Variants in CNN1 observed in about 807,000 individuals in gnomAD.
CNN1 encodes calponin 1.
In CNN1, 21 loss-of-function variants were observed where a neutral mutation model predicts 35.3. That is an observed-to-expected ratio of 0.60 (90% CI 0.42 to 0.86). The LOEUF is 0.86. CNN1 is among the 40% of genes least tolerant of loss of function. CNN1 has a pLI of 0.00. For synonymous variants in CNN1, 164 were observed against 161.8 expected (o/e 1.01, Z -0.10); for missense variants, 314 against 400.8 (o/e 0.78, Z 1.85).
chr19:11,546,656 C>A lies in CNN1; in HGVS notation c.186-19C>A, dbSNP rs762248348. 1.2e-6 allele frequency: 2 copies of A among 1,613,900 alleles called. No individual in the cohort carries two copies. Among genetic ancestry groups the A allele is most frequent in the East Asian group, 2.2e-5 (1 of 44,874 alleles). ...ACCCTGGGGGGACACCTTTCTTACC[C>A]CTTCCCCACTCTTCTCAGATTCATC... is the stretch of plus-strand genomic sequence containing the variant. On this transcript the variant is annotated intron_variant, in intron 2 of 6. Coordinates refer to ENST00000252456, the MANE Select transcript of CNN1 (RefSeq NM_001299.6).
rs769850879 is a variant in CNN1, at chr19:11,547,840, C to T, written c.434C>T (p.Ala145Val). 6.2e-7 allele frequency: 1 copy of T among 1,614,052 alleles called. No homozygotes were observed. Among genetic ancestry groups the T allele is most frequent in the Non-Finnish European group, 8.5e-7 (1 of 1,179,958 alleles). ...AAGGTGAACGTGGGAGTGAAGTACG[C>T]AGAGAAGCAGGAGCGGAAATTCGAG... ...GNKVNVGVKYAEKQERKFEPG... is the reference protein window; with the variant it reads ...GNKVNVGVKYVEKQERKFEPG... The change falls in exon 5 of 7, where the codon GCA becomes GTA. Residue 145 changes from alanine (A) to valine (V), a missense_variant. Transcript: ENST00000252456.
chr19:11,541,346 AC>A, intron 2 of CNN1, 149 bp downstream of exon 2: 2 of 1,048,738 alleles, frequency 1.9e-6, no homozygotes, highest in Non-Finnish European at 2.6e-6. Context: ...TGCCCATTTA[AC>A]AGGCACAGAA....
In CNN1 at chr19:11,549,219, G is replaced by GA; in HGVS notation, c.502-97dup. 1 of 1,225,972 alleles carries GA rather than the reference G, an allele frequency of 8.2e-7. No homozygotes were observed. Among genetic ancestry groups the GA allele is most frequent in the Non-Finnish European group, 1.1e-6 (1 of 900,018 alleles). 75.9% of individuals were successfully genotyped at this position (1,225,972 alleles called of 1,614,324 possible). On this transcript the variant is annotated intron_variant, in intron 5 of 6. Transcript: ENST00000252456. The surrounding 1 kb of genome is among the most constrained non-coding windows in gnomAD (Gnocchi z 5.2). ...AAATAAATAAAATAAAATAAAAATTGAAAAAAATGATAAAGCGGCGCCTCA... is the reference window on the plus strand; with the variant it reads ...AAATAAATAAAATAAAATAAAAATTGAAAAAAAATGATAAAGCGGCGCCTCA...
intron 4 of CNN1, among the ~76,000 whole-genome samples, chr19:11,547,281 C>T (rs891780902): frequency 3.3e-5 from 5 of 151,918 alleles, no homozygotes; most frequent in African/African-American, 1.2e-4. Context: ...CCTGTAATCC[C>T]AGCTACTCAG....
chr19:11,541,141 C>G lies in CNN1; in HGVS notation c.129C>G (p.Gly43=), dbSNP rs370159763. 4 of 1,607,574 alleles carry G rather than the reference C, an allele frequency of 2.5e-6. No homozygotes were observed. The highest frequency in any genetic ancestry group is 3.4e-6 in the Non-Finnish European group (4 of 1,176,816). Residue 43 remains glycine, a synonymous_variant, in exon 2 of 7, where the codon GGC becomes GGG. Coordinates refer to ENST00000252456, the MANE Select transcript of CNN1 (RefSeq NM_001299.6). ...ELREWIEGVT[G]RRIGNNFMDG... ...GAGAGTGGATCGAGGGGGTGACAGG[C>G]CGTCGCATCGGCAACAACTTCATGG...
chr19:11,539,282 G>A, intron 1 of CNN1: 2 of 1,184,286 alleles, frequency 1.7e-6, no homozygotes, highest in Non-Finnish European at 2.1e-6. Flanking sequence ...TGTTCTTGGG[G>A]GGAACAACAT....
At chr19:11,543,101 T>G (rs1029652865) in intron 2 of CNN1, among the ~76,000 whole-genome samples, 73 of 152,180 alleles carry the variant, frequency 4.8e-4, no homozygotes, top group Non-Finnish European at 9.6e-4. Context: ...GGCATGCTGG[T>G]GTCCCAGCTC....
rs1441576764 is a variant in CNN1, at chr19:11,547,760, C to T, written c.391-37C>T. On this transcript the variant is annotated intron_variant, in intron 4 of 6. Transcript: ENST00000252456. ...CCAAGGGGACTGTGCAGCCTGGAGG[C>T]CCCCTTGTCAGTCCCTGCTTTCCCT... 2.6e-6 allele frequency: 4 copies of T among 1,552,578 alleles called. No homozygotes were observed. In the East Asian group the frequency reaches 6.8e-5, roughly 26 times the overall value.
At position 11,549,193 on chromosome 19, in the gene CNN1, A is replaced by AAAAAAATAAAT. The variant is rs377568799; in HGVS notation, c.502-127_502-126insAAATAAATAAA. On this transcript the variant is annotated intron_variant, in intron 5 of 6. Coordinates refer to ENST00000252456, the MANE Select transcript of CNN1 (RefSeq NM_001299.6). The surrounding 1 kb of genome is among the most constrained non-coding windows in gnomAD (Gnocchi z 5.2). ...ACAGAGCAAGACTCCGTCTCAAAAA[A>AAAAAAATAAAT]AAATAAATAAAATAAAATAAAAATT... The AAAAAAATAAAT allele has an allele frequency of 2.1e-5, 22 of 1,065,946 alleles. No homozygotes were observed. In the African/African-American group the frequency reaches 2.8e-4, roughly 14 times the overall value. 66.0% of individuals were successfully genotyped at this position (1,065,946 alleles called of 1,614,324 possible).
chr19:11,539,917 G>A (rs1046595450), intron 1 of CNN1: 2 of 1,119,764 alleles, frequency 1.8e-6, no homozygotes, highest in Non-Finnish European at 2.2e-6. Context: ...CAGAGACGCC[G>A]CGCCTTATAA....
intron 1 of CNN1, chr19:11,539,280 G>C: frequency 3.4e-6 from 4 of 1,188,396 alleles, no homozygotes; most frequent in South Asian, 2.8e-5. Context: ...CGTGTTCTTG[G>C]GGGGAACAAC....
At chr19:11,544,183 A>T (rs1055789457) in intron 2 of CNN1, among the ~76,000 whole-genome samples, 4 of 151,796 alleles carry the variant, frequency 2.6e-5, no homozygotes, top group African/African-American at 9.7e-5. Flanking sequence ...GGAAGATGGG[A>T]GGGTCAGGTA....
intron 2 of CNN1, among the ~76,000 whole-genome samples, chr19:11,542,621 G>C (rs1159561039): frequency 6.6e-6 from 1 of 151,002 alleles, no homozygotes; most frequent in Non-Finnish European, 1.5e-5. Context: ...TGTGACCCAG[G>C]CTGGAGTGCA....
chr19:11,540,923 C>G (rs1483501070), intron 1 of CNN1, among the ~76,000 whole-genome samples, 153 bp from the exon 2 acceptor site: 1 of 152,200 alleles, frequency 6.6e-6, no homozygotes, highest in Admixed American at 6.5e-5. Context: ...CAGCCCCCAT[C>G]CCCCAACTAT....
chr19:11,547,854 C>G lies in CNN1; in HGVS notation c.448C>G (p.Arg150Gly), dbSNP rs889642307. 5.0e-6 allele frequency: 8 copies of G among 1,613,976 alleles called. No individual in the cohort carries two copies. The highest frequency in any genetic ancestry group is 6.8e-6 in the Non-Finnish European group (8 of 1,179,932). ...AGTGAAGTACGCAGAGAAGCAGGAGCGGAAATTCGAGCCGGGGAAGCTAAG... is the reference window on the plus strand; with the variant it reads ...AGTGAAGTACGCAGAGAAGCAGGAGGGGAAATTCGAGCCGGGGAAGCTAAG... Reference protein sequence around the residue: ...VGVKYAEKQERKFEPGKLREG... With the variant: ...VGVKYAEKQEGKFEPGKLREG... The change falls in exon 5 of 7, where the codon CGG (arginine) becomes GGG (glycine). Residue 150 changes from arginine (R) to glycine (G), a missense_variant. By Grantham distance (125) the Arg-to-Gly change is moderately radical. Coordinates refer to ENST00000252456, the MANE Select transcript of CNN1 (RefSeq NM_001299.6).
In CNN1 at chr19:11,546,578, C is replaced by T; in HGVS notation, c.186-97C>T. The T allele has an allele frequency of 3.9e-6, 5 of 1,270,570 alleles. No individual in the cohort carries two copies. In the East Asian group the frequency reaches 9.3e-5, roughly 24 times the overall value. 78.7% of individuals were successfully genotyped at this position (1,270,570 alleles called of 1,614,324 possible). On this transcript the variant is annotated intron_variant, in intron 2 of 6. Transcript: ENST00000252456. ...CTCGCTCTCCTGACCTCGTGATCCA[C>T]CCGCCTTGGCCTCCCAAAGTGCTGG...
rs200459160 is a variant in CNN1 at position 11,547,782 on chromosome 19, C to T, written c.391-15C>T. 723 of 1,610,228 alleles carry T rather than the reference C, an allele frequency of 4.5e-4. 2 individuals are homozygous for T. The Middle Eastern group carries it at 5.0e-3, about 11-fold the overall frequency. ...AGGCCCCCTTGTCAGTCCCTGCTTT[C>T]CCTGCCCCACCTAGGCGAAGACGAA... On this transcript the variant is annotated splice_polypyrimidine_tract_variant and intron_variant, in intron 4 of 6. Transcript: ENST00000252456.
chr19:11,548,229 TCA>T (rs1250114447), intron 5 of CNN1, among the ~76,000 whole-genome samples: 1 of 152,158 alleles, frequency 6.6e-6, no homozygotes, highest in Non-Finnish European at 1.5e-5. Flanking sequence ...ACTCTGGGCC[TCA>T]GTTTCCAGTC....
At chr19:11,547,451 C>T (rs1313673804) in intron 4 of CNN1, among the ~76,000 whole-genome samples, 4 of 151,692 alleles carry the variant, frequency 2.6e-5, no homozygotes, top group African/African-American at 4.8e-5. Context: ...TGGCTCACGC[C>T]TGTAATCCCA....
Sources: gnomAD v4.1 joint callset for allele counts (sites outside exome capture counted in the v4.1 genomes callset) on GRCh38, gnomAD v4.1.1 for gene constraint, Gnocchi (gnomAD v3.1) non-coding constraint, MANE v1.5 for transcripts, NCBI Gene and HGNC (gene_info 2026-07-23, HGNC 2026-07-21) for gene names.